Variants in UBE2V2 observed in about 807,000 individuals in gnomAD.
UBE2V2 encodes the protein ubiquitin-conjugating enzyme E2 variant 2.
A neutral mutation model predicts 17.2 loss-of-function variants in UBE2V2; 9 were observed. That is an observed-to-expected ratio of 0.52 (90% confidence interval 0.32 to 0.91). The LOEUF (loss-of-function observed/expected upper bound fraction) is 0.91. Ranked by LOEUF, UBE2V2 falls within the 40% of genes least tolerant of loss-of-function variation. The pLI, the probability that UBE2V2 is intolerant of heterozygous loss-of-function variation, is 0.04. For synonymous variants in UBE2V2, 61 were observed against 57.5 expected, an observed-to-expected ratio of 1.06 and a Z score of -0.28; for missense variants, 133 against 182.6, an observed-to-expected ratio of 0.73 and a Z score of 1.56.
rs367688086 is a variant in UBE2V2, at chr8:48,036,068, T to C, written c.17-6965T>C. Reference sequence around the variant, plus strand: ...CTCCCAGGCTCAAGTGATCCTTCCATGTTAGCCTCCGGAGCAGCTCAGACT... The same window carrying C: ...CTCCCAGGCTCAAGTGATCCTTCCACGTTAGCCTCCGGAGCAGCTCAGACT... On this transcript the variant is annotated intron_variant, in intron 1 of 3. Transcript: ENST00000523111. Among the ~76,000 whole-genome samples the C allele has an allele frequency of 6.8e-3, 1,023 of 150,564 alleles. 8 individuals are homozygous for C. The highest frequency in any genetic ancestry group is 0.024 in the South Asian group (115 of 4,716).
chr8:48,050,097 AGAG>A, intron 3 of UBE2V2, 119 bp downstream of exon 3: 1 of 754,178 alleles, frequency 1.3e-6, no homozygotes, highest in Non-Finnish European at 1.9e-6. Context: ...AGTTTTTAAA[AGAG>A]GACCTTTGTT....
At chr8:48,047,563 A>ATTT (rs1179681283) in intron 2 of UBE2V2, among the ~76,000 whole-genome samples, 1 of 145,470 alleles carries the variant, frequency 6.9e-6, no homozygotes, top group African/African-American at 2.5e-5. Context: ...GTTAATTAAA[A>ATTT]TTTTTTTTTT....
intron 1 of UBE2V2, among the ~76,000 whole-genome samples, chr8:48,034,154 G>C (rs544047971): frequency 8.0e-6 from 1 of 125,510 alleles, no homozygotes; most frequent in African/African-American, 4.2e-5. Context: ...ATGGAGTCTC[G>C]CACTGTCACC....
chr8:48,023,150 A>G (rs1052460118), intron 1 of UBE2V2, among the ~76,000 whole-genome samples: 4 of 150,380 alleles, frequency 2.7e-5, no homozygotes, highest in African/African-American at 9.8e-5. Context: ...AGACCCTTCA[A>G]CCTGTAGCCA....
In UBE2V2 at chr8:48,060,864, C is replaced by T; in HGVS notation, c.*36C>T. 6.9e-7 allele frequency: 1 copy of T among 1,456,648 alleles called. No homozygotes were observed. The highest frequency in any genetic ancestry group is 9.1e-7 in the Non-Finnish European group (1 of 1,100,196). The allele number at this position is 1,456,648 out of a possible 1,614,324, so 90.2% of individuals were successfully genotyped here. ...TCTCAAACTTGTCTTAAATCAACAA[C>T]CTTCTACTCATGTTAATGTCTTGAT... is the stretch of plus-strand genomic sequence containing the variant. On this transcript the variant is annotated 3_prime_UTR_variant, in exon 4 of 4. Coordinates refer to ENST00000523111, the MANE Select transcript of UBE2V2 (RefSeq NM_003350.3).
intron 1 of UBE2V2, among the ~76,000 whole-genome samples, chr8:48,019,443 G>T (rs1345776191): frequency 6.7e-6 from 1 of 150,286 alleles, no homozygotes; most frequent in Non-Finnish European, 1.5e-5. Context: ...CAGGAGAATC[G>T]TGTGAACCTG....
intron 2 of UBE2V2, among the ~76,000 whole-genome samples, chr8:48,044,842 GT>G (rs2091487378): frequency 6.6e-6 from 1 of 152,188 alleles, no homozygotes; most frequent in South Asian, 2.1e-4. Context: ...TTTAGATTTC[GT>G]TTTTCTCTAG....
chr8:48,011,778 C>G (rs553526281), intron 1 of UBE2V2, among the ~76,000 whole-genome samples: 1 of 152,120 alleles, frequency 6.6e-6, no homozygotes, highest in Non-Finnish European at 1.5e-5. Flanking sequence ...CTCAGCCTCC[C>G]GAGTAGCTGC....
intron 1 of UBE2V2, among the ~76,000 whole-genome samples, chr8:48,033,756 G>A (rs578180190): frequency 6.6e-6 from 1 of 151,866 alleles, no homozygotes; most frequent in Admixed American, 6.6e-5. Context: ...CCAGGAGTTC[G>A]AGACTAGCCT....
At chr8:48,035,007 C>T (rs1388806385) in intron 1 of UBE2V2, 11 of 984,486 alleles carry the variant, frequency 1.1e-5, no homozygotes, top group Non-Finnish European at 1.3e-5. Flanking sequence ...AGAATTCTTA[C>T]ATGATGGTTG....
intron 1 of UBE2V2, among the ~76,000 whole-genome samples, chr8:48,009,819 A>G (rs574140140): frequency 2.0e-5 from 3 of 152,232 alleles, no homozygotes; most frequent in Admixed American, 2.0e-4. Flanking sequence ...TAGCAGTTCT[A>G]GTGTTGGGGT....
chr8:48,000,204 T>C, the UBE2V2 span, among the ~76,000 whole-genome samples: 12 of 152,236 alleles, frequency 7.9e-5, no homozygotes, highest in African/African-American at 2.9e-4. Context: ...GTCTCTGGAA[T>C]GTATGCATGT....
Position 48,063,966 on chromosome 8 carries a change from T to G in UBE2V2, c.*3138T>G, listed in dbSNP as rs1010205329. ...AGAGGACACAGCTGGGAATTATGAA[T>G]GCTTTTTTCTTAATAGGTTTGGTGT... is the stretch of plus-strand genomic sequence containing the variant. On this transcript the variant is annotated 3_prime_UTR_variant, in exon 4 of 4. Transcript: ENST00000523111. The G allele has an allele frequency of 2.6e-5, 4 of 152,220 alleles. No individual in the cohort carries two copies. The highest frequency in any genetic ancestry group is 9.6e-5 in the African/African-American group (4 of 41,464). 9.4% of individuals were successfully genotyped at this position (152,220 alleles called of 1,614,324 possible).
intron 1 of UBE2V2, among the ~76,000 whole-genome samples, chr8:48,033,941 A>AG (rs1270408463): frequency 6.6e-6 from 1 of 152,022 alleles, no homozygotes; most frequent in Non-Finnish European, 1.5e-5. Flanking sequence ...TGGGCAATAG[A>AG]GGGAGACCCT....
chr8:48,007,744 T>C (rs1181433970), upstream of UBE2V2, among the ~76,000 whole-genome samples: 1 of 147,422 alleles, frequency 6.8e-6, no homozygotes, highest in African/African-American at 2.5e-5. Flanking sequence ...TTTCTTTCTT[T>C]TTTTTTTTTG....
chr8:48,051,754 G>A (rs953358403), intron 3 of UBE2V2, among the ~76,000 whole-genome samples: 8 of 152,236 alleles, frequency 5.3e-5, no homozygotes, highest in Admixed American at 2.6e-4. Flanking sequence ...GGTCTGAGGC[G>A]GGGCCCCAGA....
At chr8:47,999,755 C>T in the UBE2V2 span, among the ~76,000 whole-genome samples, 1 of 152,172 alleles carries the variant, frequency 6.6e-6, no homozygotes, top group Non-Finnish European at 1.5e-5. Flanking sequence ...ACAGACAAAA[C>T]TCCTCAGACA....
At chr8:48,007,218 C>G (rs970968034), upstream of UBE2V2, among the ~76,000 whole-genome samples, 7 of 152,090 alleles carry the variant, frequency 4.6e-5, no homozygotes, top group African/African-American at 1.4e-4. Flanking sequence ...GATGCCCTCT[C>G]TCACCACTCC....
chr8:48,037,633 A>G (rs887503177), intron 1 of UBE2V2, among the ~76,000 whole-genome samples: 3 of 152,280 alleles, frequency 2.0e-5, no homozygotes, highest in African/African-American at 7.2e-5. Flanking sequence ...GCCCTGCTGA[A>G]CTTTAAGCTC....
Sources: gnomAD v4.1 joint callset for allele counts (sites outside exome capture counted in the v4.1 genomes callset) on GRCh38, gnomAD v4.1.1 for gene constraint, MANE v1.5 for transcripts, NCBI Gene and HGNC (gene_info 2026-07-23, HGNC 2026-07-21) for gene names.